PCDHGA12: variants seen among roughly 807,000 people sequenced by gnomAD.
The protein encoded by PCDHGA12 is protocadherin gamma-A12.
In PCDHGA12, 43 loss-of-function variants were observed where a neutral mutation model predicts 61.1. The observed-to-expected ratio is 0.70, with a 90% confidence interval of 0.55 to 0.91. The LOEUF (loss-of-function observed/expected upper bound fraction) is 0.91. Among genes scored for constraint, PCDHGA12 ranks in the 40% least tolerant of loss-of-function variants. The pLI is 0.00. For synonymous variants in PCDHGA12, 520 were observed against 542.9 expected, an observed-to-expected ratio of 0.96 and a Z score of 0.59; for missense variants, 1,236 against 1,227.7, an observed-to-expected ratio of 1.01 and a Z score of -0.10.
At position 141,485,480 on chromosome 5, in the gene PCDHGA12, A is replaced by G. The variant is rs535194185; in HGVS notation, c.2425-9327A>G. On this transcript the variant is annotated intron_variant, in intron 1 of 3. Transcript: ENST00000252085. The surrounding 1 kb of genome is among the most constrained non-coding windows in gnomAD (Gnocchi z 5.7). Reference sequence around the variant, plus strand: ...ACTGTGTGGGCTCAGTGCCAGCTGCATCGTGCCCCTGGAGTTTGTCACCGA... The same window carrying G: ...ACTGTGTGGGCTCAGTGCCAGCTGCGTCGTGCCCCTGGAGTTTGTCACCGA... The G allele has an allele frequency of 2.5e-6, 4 of 1,614,154 alleles. No individual in the cohort carries two copies. The South Asian group carries it at 3.3e-5, about 13-fold the overall frequency.
chr5:141,492,257 A>G (rs955890030), intron 1 of PCDHGA12, among the ~76,000 whole-genome samples: 1 of 152,126 alleles, frequency 6.6e-6, no homozygotes, highest in Non-Finnish European at 1.5e-5. Flanking sequence ...GGCCCACACA[A>G]GTTGCACGGG....
In PCDHGA12 at chr5:141,476,288, C is replaced by A. The variant is rs1446743849; in HGVS notation, c.2425-18519C>A. 3.1e-6 allele frequency: 5 copies of A among 1,613,980 alleles called. No homozygotes were observed. The highest frequency in any genetic ancestry group is 3.4e-6 in the Non-Finnish European group (4 of 1,180,026). ...CGTGGTCGCGAACCTTGGTTTGGAT[C>A]TCGGTAGCCTCTCAGCCCGCAGGTT... On this transcript the variant is annotated intron_variant, in intron 1 of 3. Coordinates refer to ENST00000252085, the MANE Select transcript of PCDHGA12 (RefSeq NM_003735.3). This position sits in a 1 kb window ranked among gnomAD's most constrained non-coding sequence, Gnocchi z 7.6.
intron 1 of PCDHGA12, among the ~76,000 whole-genome samples, chr5:141,471,996 G>A (rs2099268647): frequency 6.6e-6 from 1 of 152,006 alleles, no homozygotes; most frequent in Admixed American, 6.6e-5. Context: ...AAAAATCCCT[G>A]CATCGTATAG....
At chr5:141,496,289 G>A (rs1347634489) in intron 2 of PCDHGA12, among the ~76,000 whole-genome samples, 3 of 152,224 alleles carry the variant, frequency 2.0e-5, no homozygotes, top group Non-Finnish European at 4.4e-5. Flanking sequence ...GGTCTGAGCA[G>A]AGTGGGATAG....
rs568542355 is a variant in PCDHGA12, at chr5:141,431,678, T to C, written c.919T>C (p.Leu307=). 4 of 1,614,084 alleles carry C rather than the reference T, an allele frequency of 2.5e-6. No individual in the cohort carries two copies. Among genetic ancestry groups the C allele is most frequent in the African/African-American group, 2.7e-5 (2 of 75,012 alleles). ...NSGTISTIGE[L]DHEESGFYQM... ...AGGGACAATATCAACAATAGGGGAG[T>C]TGGACCACGAGGAGTCAGGATTCTA... Residue 307 remains leucine (L), a synonymous_variant, in exon 1 of 4, where the codon TTG becomes CTG. Transcript: ENST00000252085. The surrounding 1 kb of genome is among the most constrained non-coding windows in gnomAD (Gnocchi z 4.8).
chr5:141,432,600 C>T lies in PCDHGA12; in HGVS notation c.1841C>T (p.Pro614Leu), dbSNP rs901310090. The T allele has an allele frequency of 1.9e-6, 3 of 1,613,832 alleles. No individual in the cohort carries two copies. The East Asian group carries it at 6.7e-5, about 36-fold the overall frequency. ...LSYRLLKASE[P>L]GLFSVGLHTG... ...TACCGTCTGCTCAAGGCCAGCGAGCCGGGACTCTTCTCGGTGGGTCTGCAC... is the reference window on the plus strand; with the variant it reads ...TACCGTCTGCTCAAGGCCAGCGAGCTGGGACTCTTCTCGGTGGGTCTGCAC... Residue 614 changes from proline (P) to leucine (L), a missense_variant, in exon 1 of 4, where the codon CCG becomes CTG. Transcript: ENST00000252085. The surrounding 1 kb of genome is among the most constrained non-coding windows in gnomAD (Gnocchi z 6.0).
intron 1 of PCDHGA12, among the ~76,000 whole-genome samples, chr5:141,447,413 C>T (rs1279399546): frequency 6.6e-6 from 1 of 152,204 alleles, no homozygotes; most frequent in Non-Finnish European, 1.5e-5. Flanking sequence ...GCTGGGATTA[C>T]AGGCGTGAGC....
chr5:141,500,043 T>A (rs1240979831), intron 2 of PCDHGA12, among the ~76,000 whole-genome samples: 1 of 152,048 alleles, frequency 6.6e-6, no homozygotes, highest in East Asian at 1.9e-4. Flanking sequence ...CTCTTAAGTA[T>A]CTTAATGCTC....
intron 1 of PCDHGA12, chr5:141,478,768 A>G: frequency 6.7e-7 from 1 of 1,501,046 alleles, no homozygotes; most frequent in African/African-American, 1.4e-5. Context: ...TACTTGACTC[A>G]TCTGTGGACC....
chr5:141,462,198 G>C (rs2099034283), intron 1 of PCDHGA12, among the ~76,000 whole-genome samples: 1 of 152,182 alleles, frequency 6.6e-6, no homozygotes, highest in Non-Finnish European at 1.5e-5. Context: ...GACCTCAGGT[G>C]ATCCGCCTGC....
chr5:141,469,213 G>A (rs866405809), intron 1 of PCDHGA12, among the ~76,000 whole-genome samples: 21 of 150,912 alleles, frequency 1.4e-4, no homozygotes, highest in African/African-American at 5.1e-4. Flanking sequence ...TGAAGTTGAG[G>A]CTTCAGTGAG....
intron 1 of PCDHGA12, among the ~76,000 whole-genome samples, chr5:141,452,267 G>C (rs995249228): frequency 1.3e-5 from 2 of 151,882 alleles, no homozygotes; most frequent in Non-Finnish European, 2.9e-5. Context: ...TCATTTTCTT[G>C]AACCCTTTCT....
chr5:141,500,445 G>A (rs1319009998), intron 2 of PCDHGA12, among the ~76,000 whole-genome samples: 1 of 151,816 alleles, frequency 6.6e-6, no homozygotes, highest in Non-Finnish European at 1.5e-5. Flanking sequence ...TCCTGACCTC[G>A]TGATCCGCCC....
At chr5:141,506,444 C>CAAA (rs1219684339) in intron 3 of PCDHGA12, among the ~76,000 whole-genome samples, 2 of 95,018 alleles carry the variant, frequency 2.1e-5, no homozygotes, top group African/African-American at 7.9e-5. Context: ...CGCTCTGTCT[C>CAAA]AAAAAAAAAA....
chr5:141,435,853 T>C (rs1034164236), intron 1 of PCDHGA12, among the ~76,000 whole-genome samples: 1 of 152,110 alleles, frequency 6.6e-6, no homozygotes, highest in African/African-American at 2.4e-5. Context: ...AAAGATACAA[T>C]AGTTAAAACC....
chr5:141,456,178 A>G (rs1216202318), intron 1 of PCDHGA12, among the ~76,000 whole-genome samples: 1 of 151,926 alleles, frequency 6.6e-6, no homozygotes, highest in African/African-American at 2.4e-5. Context: ...ATTACAGAAT[A>G]ATTTCTTAAT....
At chr5:141,478,559 A>T (rs938780510) in intron 1 of PCDHGA12, 1 of 1,599,454 alleles carries the variant, frequency 6.3e-7, no homozygotes, top group Non-Finnish European at 8.5e-7. Context: ...AAGGTTTAGC[A>T]AGTCATGCTT....
Position 141,489,764 on chromosome 5 carries a change from A to G in PCDHGA12, c.2425-5043A>G. ...GTGAGCTTTTACACTCTAAGCCCCA[A>G]CAGCCACTTCTCTCTGAATGTGAAG... is the stretch of plus-strand genomic sequence containing the variant. On this transcript the variant is annotated intron_variant, in intron 1 of 3. Transcript: ENST00000252085. The surrounding 1 kb of genome is among the most constrained non-coding windows in gnomAD (Gnocchi z 4.5). 2 of 1,613,556 alleles carry G rather than the reference A, an allele frequency of 1.2e-6. No homozygotes were observed. The highest frequency in any genetic ancestry group is 1.7e-6 in the Non-Finnish European group (2 of 1,179,894).
chr5:141,486,730 T>G lies in PCDHGA12; in HGVS notation c.2425-8077T>G, dbSNP rs775081505. On this transcript the variant is annotated intron_variant, in intron 1 of 3. Coordinates refer to ENST00000252085, the MANE Select transcript of PCDHGA12 (RefSeq NM_003735.3). This position sits in a 1 kb window ranked among gnomAD's most constrained non-coding sequence, Gnocchi z 5.0. ...ACCCCCAGACAGGAGCTGTTCATGC[T>G]ACTCGATCCTTTGACTATGAGCAAA... is the stretch of plus-strand genomic sequence containing the variant. 6.2e-7 allele frequency: 1 copy of G among 1,614,238 alleles called. No individual in the cohort carries two copies. The highest frequency in any genetic ancestry group is 8.5e-7 in the Non-Finnish European group (1 of 1,180,042).
Sources: gnomAD v4.1 joint callset for allele counts (sites outside exome capture counted in the v4.1 genomes callset) on GRCh38, gnomAD v4.1.1 for gene constraint, Gnocchi (gnomAD v3.1) non-coding constraint, MANE v1.5 for transcripts, NCBI Gene and HGNC (gene_info 2026-07-23, HGNC 2026-07-21) for gene names.